Variants in SPMIP2 observed in about 807,000 individuals in gnomAD.
The protein encoded by SPMIP2 is protein SPMIP2.
the SPMIP2 span, among the ~76,000 whole-genome samples, chr4:159,019,684 G>A: frequency 1.9e-4 from 29 of 152,144 alleles, no homozygotes; most frequent in Non-Finnish European, 1.3e-4. Context: ...TCCCTTCATC[G>A]TGAATACACT....
chr4:158,980,589 T>C, the SPMIP2 span, among the ~76,000 whole-genome samples: 150,641 of 152,378 alleles, frequency 0.99, 74,479 homozygotes, highest in East Asian at 1. Flanking sequence ...CTCCAACAAA[T>C]TAGCAGACCC....
the SPMIP2 span, among the ~76,000 whole-genome samples, chr4:158,926,303 C>T: frequency 6.6e-6 from 1 of 151,164 alleles, no homozygotes. Context: ...TATATCTTCC[C>T]TTTTTATTGT....
the SPMIP2 span, among the ~76,000 whole-genome samples, chr4:159,072,001 C>T: frequency 2.0e-5 from 3 of 152,322 alleles, no homozygotes; most frequent in African/African-American, 4.8e-5. Context: ...TTCACAAATA[C>T]CTGTTTTAGA....
At chr4:159,058,291 A>G in the SPMIP2 span, among the ~76,000 whole-genome samples, 1 of 151,944 alleles carries the variant, frequency 6.6e-6, no homozygotes, top group African/African-American at 2.4e-5. Flanking sequence ...CTAGGGTGAA[A>G]GGGGACAGGA....
At chr4:158,967,288 G>T in the SPMIP2 span, among the ~76,000 whole-genome samples, 1 of 152,084 alleles carries the variant, frequency 6.6e-6, no homozygotes, top group Non-Finnish European at 1.5e-5. Context: ...AGGGTGATTT[G>T]GTCTCCCTAG....
chr4:158,934,606 T>C, the SPMIP2 span, among the ~76,000 whole-genome samples: 1 of 152,184 alleles, frequency 6.6e-6, no homozygotes, highest in African/African-American at 2.4e-5. Context: ...TATTATAGAA[T>C]GCTGCCTCTC....
the SPMIP2 span, among the ~76,000 whole-genome samples, chr4:159,052,610 CTATTAT>C: frequency 6.7e-6 from 1 of 149,148 alleles, no homozygotes; most frequent in Non-Finnish European, 1.5e-5. Context: ...TATCTCAAGA[CTATTAT>C]TATTATTATT....
At chr4:159,012,073 T>G in the SPMIP2 span, among the ~76,000 whole-genome samples, 17 of 140,328 alleles carry the variant, frequency 1.2e-4, no homozygotes, top group South Asian at 4.0e-3. Flanking sequence ...AAAAAAAAAA[T>G]TATTCCTCAA....
At chr4:159,060,878 A>G in the SPMIP2 span, among the ~76,000 whole-genome samples, 2 of 152,110 alleles carry the variant, frequency 1.3e-5, no homozygotes, top group Admixed American at 1.3e-4. Context: ...TGAGCCCAGA[A>G]GTTCAAGACC....
At chr4:158,998,558 T>G in the SPMIP2 span, among the ~76,000 whole-genome samples, 2 of 152,240 alleles carry the variant, frequency 1.3e-5, no homozygotes, top group Non-Finnish European at 2.9e-5. Flanking sequence ...TCTGCCTTTG[T>G]GTTAATTGGT....
the SPMIP2 span, among the ~76,000 whole-genome samples, chr4:159,081,507 T>C: frequency 6.6e-6 from 1 of 151,946 alleles, no homozygotes; most frequent in East Asian, 1.9e-4. Context: ...CTAGGCAGCA[T>C]TGGGAGACCC....
chr4:159,036,693 C>G, the SPMIP2 span, among the ~76,000 whole-genome samples: 4 of 152,204 alleles, frequency 2.6e-5, no homozygotes, highest in African/African-American at 9.6e-5. Flanking sequence ...TAACCAGAAA[C>G]TGAATATATT....
the SPMIP2 span, chr4:158,960,283 T>C: frequency 6.6e-7 from 1 of 1,522,168 alleles, no homozygotes; most frequent in Admixed American, 1.8e-5. Flanking sequence ...CATATTTGCT[T>C]ACCATGGGTT....
chr4:158,913,746 T>C, the SPMIP2 span, among the ~76,000 whole-genome samples: 1 of 151,694 alleles, frequency 6.6e-6, no homozygotes, highest in African/African-American at 2.4e-5. Context: ...GGTGGGAGGA[T>C]TGTTTGAACC....
chr4:158,917,916 A>G, the SPMIP2 span, among the ~76,000 whole-genome samples: 1 of 151,826 alleles, frequency 6.6e-6, no homozygotes, highest in Non-Finnish European at 1.5e-5. Context: ...ACAGGGTTTC[A>G]CCATGTTACC....
At chr4:159,025,747 G>A in the SPMIP2 span, among the ~76,000 whole-genome samples, 3 of 152,162 alleles carry the variant, frequency 2.0e-5, no homozygotes, top group East Asian at 5.8e-4. Flanking sequence ...ATTATTTACA[G>A]GTGCTTTCAT....
chr4:159,070,087 A>T, the SPMIP2 span, among the ~76,000 whole-genome samples: 1 of 151,820 alleles, frequency 6.6e-6, no homozygotes, highest in South Asian at 2.1e-4. Flanking sequence ...TGACAGAAGG[A>T]CTCAGATGGG....
At chr4:159,011,532 A>G in the SPMIP2 span, among the ~76,000 whole-genome samples, 2 of 147,090 alleles carry the variant, frequency 1.4e-5, no homozygotes, top group East Asian at 2.1e-4. Flanking sequence ...GGGGTGGTTC[A>G]CCTGAGGTCG....
At chr4:158,899,955 A>G in the SPMIP2 span, among the ~76,000 whole-genome samples, 1 of 152,052 alleles carries the variant, frequency 6.6e-6, no homozygotes, top group Non-Finnish European at 1.5e-5. Flanking sequence ...TCGATTTTAG[A>G]TCTTTCCTGC....
Sources: gnomAD v4.1 joint callset for allele counts (sites outside exome capture counted in the v4.1 genomes callset) on GRCh38, gnomAD v4.1.1 for gene constraint, MANE v1.5 for transcripts, NCBI Gene and HGNC (gene_info 2026-07-23, HGNC 2026-07-21) for gene names.